Variants in SERPINE2 observed in about 807,000 individuals in gnomAD.
SERPINE2 encodes serpin family E member 2.
SERPINE2 carries 14 observed loss-of-function variants against 36.3 expected under a neutral mutation model. That is an observed-to-expected ratio of 0.39 (90% CI 0.25 to 0.60). The LOEUF is 0.60. Among genes scored for constraint, SERPINE2 ranks in the 20% least tolerant of loss-of-function variants. The pLI is 0.57. For synonymous variants in SERPINE2, 192 were observed against 191.8 expected (o/e 1.00, Z -0.01); for missense variants, 418 against 499.6 (o/e 0.84, Z 1.56).
chr2:223,980,626 C>T (rs984742634), intron 6 of SERPINE2: 1 of 477,178 alleles, frequency 2.1e-6, no homozygotes, highest in African/African-American at 2.0e-5. Flanking sequence ...GGGCCCAGGC[C>T]CTCAAATGAT....
rs572990533 is a variant in SERPINE2 at position 224,037,748 on chromosome 2, T to G, written c.-23+1351A>C. 1.4e-3 allele frequency among the ~76,000 whole-genome samples: 218 copies of G among 152,332 alleles called. 5 individuals are homozygous for G. The highest frequency in any genetic ancestry group is 9.8e-4 in the Non-Finnish European group (67 of 68,032). ...GAAAATTAGCTTTTTTTGGAGACAGTACTTTTAAAATTAAACTAATATGAA... is the reference window on the plus strand; with the variant it reads ...GAAAATTAGCTTTTTTTGGAGACAGGACTTTTAAAATTAAACTAATATGAA... On this transcript the variant is annotated intron_variant, in intron 1 of 8. Coordinates refer to ENST00000409304, the MANE Select transcript of SERPINE2 (RefSeq NM_001136528.2).
At chr2:224,015,552 C>T (rs1350291703) in intron 1 of SERPINE2, among the ~76,000 whole-genome samples, 2 of 152,206 alleles carry the variant, frequency 1.3e-5, no homozygotes, top group East Asian at 3.8e-4. Context: ...ACAGCCTTTG[C>T]AAGACAAGGG....
intron 1 of SERPINE2, among the ~76,000 whole-genome samples, chr2:224,012,350 A>G (rs1691658673): frequency 6.6e-6 from 1 of 152,218 alleles, no homozygotes; most frequent in Non-Finnish European, 1.5e-5. Flanking sequence ...TTAAGAACCT[A>G]TCTCTGAAGA....
At chr2:224,009,417 G>A (rs954317634) in intron 1 of SERPINE2, among the ~76,000 whole-genome samples, 32 of 152,238 alleles carry the variant, frequency 2.1e-4, no homozygotes, top group Middle Eastern at 3.4e-3. Flanking sequence ...TGTACAGGCC[G>A]GGCACGGTGG....
chr2:224,028,607 C>T (rs1228580726), intron 1 of SERPINE2, among the ~76,000 whole-genome samples: 9 of 152,004 alleles, frequency 5.9e-5, no homozygotes, highest in Non-Finnish European at 5.9e-5. Context: ...GAATCGGAGC[C>T]GGGTGTTCTA....
chr2:224,009,526 C>A (rs139171473), intron 1 of SERPINE2, among the ~76,000 whole-genome samples: 148 of 152,194 alleles, frequency 9.7e-4, no homozygotes, highest in Non-Finnish European at 1.4e-3. Context: ...TTAACCCTGT[C>A]TCTATTAGAA....
At chr2:224,036,833 T>C (rs1000870945) in intron 1 of SERPINE2, among the ~76,000 whole-genome samples, 1 of 150,920 alleles carries the variant, frequency 6.6e-6, no homozygotes, top group Non-Finnish European at 1.5e-5. Context: ...AAAATACTAC[T>C]AAAAAAGAAA....
chr2:223,999,381 T>C (rs565521424), intron 2 of SERPINE2, among the ~76,000 whole-genome samples: 11 of 152,314 alleles, frequency 7.2e-5, no homozygotes, highest in Non-Finnish European at 1.5e-4. Context: ...CTCTTCAAAA[T>C]GGCACTGTCC....
At chr2:223,985,949 G>A (rs1292143012) in intron 4 of SERPINE2, among the ~76,000 whole-genome samples, 1 of 152,226 alleles carries the variant, frequency 6.6e-6, no homozygotes, top group East Asian at 1.9e-4. Context: ...AGACAAAACA[G>A]ATTCCACATC....
At chr2:224,024,825 A>G (rs969157600) in intron 1 of SERPINE2, among the ~76,000 whole-genome samples, 1 of 152,198 alleles carries the variant, frequency 6.6e-6, no homozygotes, top group Non-Finnish European at 1.5e-5. Context: ...ATGACAATGG[A>G]AGTTCTCCTT....
chr2:223,992,970 T>C (rs1404204055), intron 3 of SERPINE2, among the ~76,000 whole-genome samples: 1 of 151,846 alleles, frequency 6.6e-6, no homozygotes, highest in Admixed American at 6.6e-5. Context: ...ATTAAAAACA[T>C]ATTAGCCAGC....
intron 1 of SERPINE2, among the ~76,000 whole-genome samples, chr2:224,023,018 T>C (rs1377619013): frequency 6.6e-6 from 1 of 152,216 alleles, no homozygotes; most frequent in Non-Finnish European, 1.5e-5. Context: ...GTAAGTTTCC[T>C]GAGGCCTCCC....
chr2:224,026,482 A>G (rs1692188629), intron 1 of SERPINE2, among the ~76,000 whole-genome samples: 2 of 152,206 alleles, frequency 1.3e-5, no homozygotes, highest in African/African-American at 4.8e-5. Flanking sequence ...AGAGAATTTC[A>G]GGCGAATTTG....
intron 3 of SERPINE2, 124 bp from the exon 4 acceptor site, chr2:223,992,124 A>ATTT: frequency 1.3e-6 from 1 of 788,538 alleles, no homozygotes; most frequent in Non-Finnish European, 2.1e-6. Context: ...TGTTAAAGAG[A>ATTT]ATCTTCTTAA....
intron 3 of SERPINE2, among the ~76,000 whole-genome samples, chr2:223,995,540 C>T (rs1424937694): frequency 5.3e-5 from 8 of 152,164 alleles, no homozygotes; most frequent in Non-Finnish European, 1.5e-5. Context: ...ATTGGTAGGA[C>T]ACCTACTTAT....
At chr2:223,999,387 T>A (rs1339773826) in intron 2 of SERPINE2, among the ~76,000 whole-genome samples, 1 of 152,196 alleles carries the variant, frequency 6.6e-6, no homozygotes, top group Non-Finnish European at 1.5e-5. Flanking sequence ...AAAATGGCAC[T>A]GTCCTAAAAC....
intron 1 of SERPINE2, among the ~76,000 whole-genome samples, chr2:224,012,908 A>G (rs182236347): frequency 2.0e-5 from 3 of 152,328 alleles, no homozygotes; most frequent in Admixed American, 1.3e-4. Context: ...TTTACTGGAA[A>G]AGGAGAAAGA....
intron 1 of SERPINE2, among the ~76,000 whole-genome samples, chr2:224,036,301 G>A (rs1692532014): frequency 6.8e-6 from 1 of 147,260 alleles, no homozygotes; most frequent in South Asian, 2.2e-4. Flanking sequence ...ATGCCAGGGA[G>A]GAATAAGGAA....
At position 224,012,472 on chromosome 2, in the gene SERPINE2, G is replaced by A. The variant is rs192145952; in HGVS notation, c.-22-10550C>T. Among the ~76,000 whole-genome samples, 44 of 151,886 alleles carry A rather than the reference G, an allele frequency of 2.9e-4. No homozygotes were observed. The East Asian group carries it at 7.0e-3, about 24-fold the overall frequency. On this transcript the variant is annotated intron_variant, in intron 1 of 8. Transcript: ENST00000409304. The stretch of plus-strand genomic sequence containing the variant: ...GCACAAATTAGCCAGGTGTGGTGGC[G>A]GGTGCTTGTAGTGCCAGCTACTTGG...
Sources: gnomAD v4.1 joint callset for allele counts (sites outside exome capture counted in the v4.1 genomes callset) on GRCh38, gnomAD v4.1.1 for gene constraint, MANE v1.5 for transcripts, NCBI Gene and HGNC (gene_info 2026-07-23, HGNC 2026-07-21) for gene names.